Variants in ADGRB3 observed in about 807,000 individuals in gnomAD.
The protein encoded by ADGRB3 is adhesion G protein-coupled receptor B3, also known as brain-specific angiogenesis inhibitor 3.
A neutral mutation model predicts 193.4 loss-of-function variants in ADGRB3; 37 were observed. That is an observed-to-expected ratio of 0.19 (90% CI 0.15 to 0.25). The LOEUF (loss-of-function observed/expected upper bound fraction) is 0.25. ADGRB3 is among the 10% of genes least tolerant of loss of function. The pLI, the probability that ADGRB3 is intolerant of heterozygous loss-of-function variation, is 1.00. For synonymous variants in ADGRB3, 690 were observed against 644.2 expected (o/e 1.07, Z -1.08); for missense variants, 1,637 against 1,852.9 (o/e 0.88, Z 2.14).
intron 3 of ADGRB3, among the ~76,000 whole-genome samples, chr6:68,852,239 G>A (rs942200440): frequency 2.0e-5 from 3 of 151,754 alleles, no homozygotes; most frequent in East Asian, 3.8e-4. Context: ...ATGTAGCCTT[G>A]AATGCTGTAT....
intron 17 of ADGRB3, among the ~76,000 whole-genome samples, chr6:69,081,204 T>C (rs1204369994): frequency 6.6e-6 from 1 of 152,038 alleles, no homozygotes; most frequent in Non-Finnish European, 1.5e-5. Flanking sequence ...CAATCATTAA[T>C]TCTCTAATAT....
intron 30 of ADGRB3, among the ~76,000 whole-genome samples, chr6:69,381,287 C>G (rs1025768494): frequency 3.3e-5 from 5 of 151,898 alleles, no homozygotes; most frequent in Non-Finnish European, 7.4e-5. Flanking sequence ...TATTCCCCCC[C>G]AAACTGATGG....
chr6:68,856,318 C>T (rs746299650), intron 3 of ADGRB3, among the ~76,000 whole-genome samples: 1 of 152,148 alleles, frequency 6.6e-6, no homozygotes, highest in Non-Finnish European at 1.5e-5. Context: ...GGGTAACAGG[C>T]ATAGGTTTGA....
chr6:69,357,669 C>T (rs913951907), intron 28 of ADGRB3, among the ~76,000 whole-genome samples: 2 of 151,826 alleles, frequency 1.3e-5, no homozygotes, highest in Admixed American at 1.3e-4. Context: ...AAACTAATCT[C>T]ATATTCTCAT....
chr6:68,784,274 G>A (rs1766916096), intron 3 of ADGRB3, among the ~76,000 whole-genome samples: 1 of 152,018 alleles, frequency 6.6e-6, no homozygotes, highest in African/African-American at 2.4e-5. Context: ...GACCTCAAGT[G>A]GGCCTCTTGT....
chr6:69,238,072 C>T (rs1401864004), intron 19 of ADGRB3, among the ~76,000 whole-genome samples: 1 of 151,892 alleles, frequency 6.6e-6, no homozygotes, highest in African/African-American at 2.4e-5. Flanking sequence ...GGGGGTTCTA[C>T]CTTGATTGTC....
chr6:69,089,127 A>G (rs1191004198), intron 17 of ADGRB3, among the ~76,000 whole-genome samples: 1 of 152,228 alleles, frequency 6.6e-6, no homozygotes, highest in Admixed American at 6.5e-5. Context: ...TTGCTTTCTG[A>G]TATTTAAAAT....
chr6:68,966,775 A>G (rs994168413), intron 8 of ADGRB3, among the ~76,000 whole-genome samples: 6 of 152,136 alleles, frequency 3.9e-5, no homozygotes, highest in Non-Finnish European at 1.5e-5. Flanking sequence ...AGCCTTTTCT[A>G]TGTGTAGTAT....
At chr6:69,267,024 G>GT (rs1767060046) in intron 20 of ADGRB3, among the ~76,000 whole-genome samples, 2 of 152,008 alleles carry the variant, frequency 1.3e-5, no homozygotes, top group Non-Finnish European at 2.9e-5. Flanking sequence ...GATTTTCAGA[G>GT]TCTTCTGTAA....
chr6:69,307,503 T>C (rs1291277001), intron 20 of ADGRB3, among the ~76,000 whole-genome samples: 4 of 151,638 alleles, frequency 2.6e-5, no homozygotes, highest in Admixed American at 1.3e-4. Flanking sequence ...AGGAAAAGTT[T>C]CATTATAAGC....
chr6:69,116,750 T>C (rs1441638824), intron 17 of ADGRB3, among the ~76,000 whole-genome samples: 1 of 152,228 alleles, frequency 6.6e-6, no homozygotes. Context: ...AATAAAACTT[T>C]TATTAGCAAA....
chr6:68,727,651 A>G (rs1765698119), intron 3 of ADGRB3, among the ~76,000 whole-genome samples: 1 of 151,540 alleles, frequency 6.6e-6, no homozygotes, highest in Non-Finnish European at 1.5e-5. Flanking sequence ...CTACAGTTTT[A>G]TAATTTTTTT....
intron 3 of ADGRB3, among the ~76,000 whole-genome samples, chr6:68,912,810 A>C (rs1766755385): frequency 6.6e-6 from 1 of 152,086 alleles, no homozygotes. Context: ...TTCCTAGTCA[A>C]AGAAAGGGGT....
chr6:68,798,732 GA>G (rs1767259203), intron 3 of ADGRB3, among the ~76,000 whole-genome samples: 1 of 152,156 alleles, frequency 6.6e-6, no homozygotes, highest in Non-Finnish European at 1.5e-5. Context: ...TCAGTCTGGA[GA>G]GTAAAGAAAT....
intron 20 of ADGRB3, among the ~76,000 whole-genome samples, chr6:69,322,703 A>T (rs777804037): frequency 6.6e-6 from 1 of 151,090 alleles, no homozygotes; most frequent in Non-Finnish European, 1.5e-5. Flanking sequence ...CTTTTTTTCT[A>T]TTTTTCAAGA....
At chr6:68,820,617 G>A (rs956757409) in intron 3 of ADGRB3, among the ~76,000 whole-genome samples, 1 of 151,764 alleles carries the variant, frequency 6.6e-6, no homozygotes, top group Admixed American at 6.6e-5. Flanking sequence ...TATTTTTGTA[G>A]CCATTAACCA....
At chr6:69,250,089 T>G (rs1419415856) in intron 20 of ADGRB3, among the ~76,000 whole-genome samples, 1 of 152,198 alleles carries the variant, frequency 6.6e-6, no homozygotes, top group African/African-American at 2.4e-5. Flanking sequence ...GTGTTCTTTG[T>G]TAAACTACAA....
At chr6:69,184,403 G>A (rs1765023959) in intron 17 of ADGRB3, among the ~76,000 whole-genome samples, 1 of 151,866 alleles carries the variant, frequency 6.6e-6, no homozygotes, top group Non-Finnish European at 1.5e-5. Flanking sequence ...CAACATAATG[G>A]CTGCCAACAA....
At chr6:69,046,408 T>C (rs560792831) in intron 13 of ADGRB3, among the ~76,000 whole-genome samples, 4 of 152,312 alleles carry the variant, frequency 2.6e-5, no homozygotes, top group African/African-American at 9.6e-5. Flanking sequence ...GCTGACCTGC[T>C]CATCTATATA....
Sources: allele counts gnomAD v4.1 joint callset (sites outside exome capture counted in the v4.1 genomes callset), GRCh38; gene constraint gnomAD v4.1.1; transcripts MANE v1.5; gene names NCBI Gene and HGNC (gene_info 2026-07-23, HGNC 2026-07-21).